Variants in RASAL2 observed in about 807,000 individuals in gnomAD.
RASAL2 encodes ras GTPase-activating protein nGAP.
A neutral mutation model predicts 128.9 loss-of-function variants in RASAL2; 58 were observed. The observed-to-expected ratio is 0.45, with a 90% CI of 0.36 to 0.56. The LOEUF (loss-of-function observed/expected upper bound fraction) is 0.56. Ranked by LOEUF, RASAL2 falls within the 20% of genes least tolerant of loss-of-function variation. The probability of loss-of-function intolerance (pLI) is 0.00; values close to 1 mark genes in which losing one functional copy is unlikely to be tolerated. For synonymous variants in RASAL2, 561 were observed against 580.8 expected, an observed-to-expected ratio of 0.97 and a Z score of 0.49; for missense variants, 1,360 against 1,601.6, an observed-to-expected ratio of 0.85 and a Z score of 2.57.
chr1:178,374,976 G>C (rs573067409), intron 3 of RASAL2, among the ~76,000 whole-genome samples: 12 of 152,112 alleles, frequency 7.9e-5, no homozygotes, highest in Non-Finnish European at 1.3e-4. Context: ...GAGAAAACAT[G>C]AACTACGCAC....
intron 1 of RASAL2, among the ~76,000 whole-genome samples, chr1:178,102,347 G>T (rs1259666690): frequency 6.6e-6 from 1 of 151,896 alleles, no homozygotes; most frequent in Non-Finnish European, 1.5e-5. Flanking sequence ...TAGAGACGGG[G>T]TCTCATTCTG....
chr1:178,448,741 A>G (rs1388344655), intron 9 of RASAL2, among the ~76,000 whole-genome samples: 2 of 152,180 alleles, frequency 1.3e-5, no homozygotes, highest in East Asian at 3.8e-4. Context: ...CTTCTTTGAA[A>G]TCAATTATTC....
At chr1:178,129,095 A>G (rs1381282531) in intron 1 of RASAL2, among the ~76,000 whole-genome samples, 1 of 152,076 alleles carries the variant, frequency 6.6e-6, no homozygotes, top group East Asian at 1.9e-4. Context: ...TCTCTTTGGC[A>G]TATACCTAGG....
intron 1 of RASAL2, among the ~76,000 whole-genome samples, chr1:178,129,406 T>C (rs1416428438): frequency 1.3e-5 from 2 of 152,166 alleles, no homozygotes; most frequent in African/African-American, 4.8e-5. Context: ...TACTGAAGTG[T>C]CACTTCATAT....
At chr1:178,397,772 AT>A (rs11358360) in intron 4 of RASAL2, among the ~76,000 whole-genome samples, 11,298 of 142,234 alleles carry the variant, frequency 0.079, 725 homozygotes, top group African/African-American at 0.18. Context: ...TACCTGGCTA[AT>A]TTTTTTTTTT....
intron 2 of RASAL2, among the ~76,000 whole-genome samples, chr1:178,285,500 T>C (rs913449733): frequency 4.6e-5 from 7 of 152,222 alleles, no homozygotes; most frequent in African/African-American, 1.7e-4. Flanking sequence ...ATTGAAAATA[T>C]CTTTTACTTT....
chr1:178,179,866 TAAC>T (rs2101926098), intron 1 of RASAL2, among the ~76,000 whole-genome samples: 1 of 152,266 alleles, frequency 6.6e-6, no homozygotes, highest in Non-Finnish European at 1.5e-5. Context: ...AGATAATAAA[TAAC>T]AATCTTGTTC....
At chr1:178,420,272 A>C (rs956375091) in intron 4 of RASAL2, among the ~76,000 whole-genome samples, 4 of 152,244 alleles carry the variant, frequency 2.6e-5, no homozygotes, top group African/African-American at 9.6e-5. Context: ...AACATTAATA[A>C]ATAATAAATT....
At chr1:178,400,747 A>AAATT (rs1242325817) in intron 4 of RASAL2, among the ~76,000 whole-genome samples, 3 of 152,118 alleles carry the variant, frequency 2.0e-5, no homozygotes, top group Non-Finnish European at 2.9e-5. Context: ...TTCATAGTCA[A>AAATT]AATTAATTAA....
chr1:178,467,885 T>C (rs1340057959), intron 17 of RASAL2, among the ~76,000 whole-genome samples: 3 of 152,244 alleles, frequency 2.0e-5, no homozygotes, highest in Non-Finnish European at 4.4e-5. Context: ...TGTAAAAAGG[T>C]ACCTTTCCTT....
chr1:178,111,459 C>T (rs546320828), intron 1 of RASAL2, among the ~76,000 whole-genome samples: 35 of 152,204 alleles, frequency 2.3e-4, no homozygotes, highest in South Asian at 8.3e-4. Context: ...GTGGTTGTAC[C>T]GTTTTCCCAC....
chr1:178,185,831 T>C (rs1662272877), intron 1 of RASAL2, among the ~76,000 whole-genome samples: 1 of 152,094 alleles, frequency 6.6e-6, no homozygotes, highest in East Asian at 1.9e-4. Flanking sequence ...ATGAGAGATA[T>C]TGTTCTATTG....
At chr1:178,215,331 A>G (rs1205534004) in intron 1 of RASAL2, among the ~76,000 whole-genome samples, 2 of 152,198 alleles carry the variant, frequency 1.3e-5, no homozygotes, top group African/African-American at 2.4e-5. Flanking sequence ...CCACTTTGAC[A>G]CCACAAAACC....
At chr1:178,276,545 T>C (rs972336948) in intron 1 of RASAL2, among the ~76,000 whole-genome samples, 7 of 151,846 alleles carry the variant, frequency 4.6e-5, no homozygotes, top group African/African-American at 1.2e-4. Context: ...CAAGGTGTTA[T>C]TCTGTTGCCC....
chr1:178,158,042 G>A (rs1307731670), intron 1 of RASAL2, among the ~76,000 whole-genome samples: 1 of 152,134 alleles, frequency 6.6e-6, no homozygotes, highest in Non-Finnish European at 1.5e-5. Context: ...GTGGCCAGTG[G>A]ACATATTTTG....
chr1:178,118,375 A>G (rs1659592119), intron 1 of RASAL2, among the ~76,000 whole-genome samples: 1 of 151,786 alleles, frequency 6.6e-6, no homozygotes, highest in Non-Finnish European at 1.5e-5. Flanking sequence ...TAATTATACA[A>G]CTCACCATAA....
intron 1 of RASAL2, among the ~76,000 whole-genome samples, chr1:178,096,326 A>G (rs1271237648): frequency 1.3e-5 from 2 of 152,188 alleles, no homozygotes; most frequent in South Asian, 2.1e-4. Context: ...TCGGTATTTC[A>G]GTATCCAAAA....
At chr1:178,339,806 G>A (rs1320619446) in intron 3 of RASAL2, among the ~76,000 whole-genome samples, 2 of 152,116 alleles carry the variant, frequency 1.3e-5, no homozygotes, top group African/African-American at 4.8e-5. Flanking sequence ...GTATTAGGTT[G>A]AACTGTATAA....
At chr1:178,279,945 G>T (rs1666706917) in intron 1 of RASAL2, among the ~76,000 whole-genome samples, 1 of 152,106 alleles carries the variant, frequency 6.6e-6, no homozygotes, top group Non-Finnish European at 1.5e-5. Context: ...AAATCTGAAT[G>T]AACCAATATT....
Sources: allele counts gnomAD v4.1 joint callset (sites outside exome capture counted in the v4.1 genomes callset), GRCh38; gene constraint gnomAD v4.1.1; transcripts MANE v1.5; gene names NCBI Gene and HGNC (gene_info 2026-07-23, HGNC 2026-07-21).